PPM1L: variants seen among roughly 807,000 people sequenced by gnomAD.
The protein encoded by PPM1L is protein phosphatase, Mg2+/Mn2+ dependent 1L.
In PPM1L, 13 loss-of-function variants were observed where a neutral mutation model predicts 31.4. The observed-to-expected ratio is 0.41, with a 90% CI of 0.27 to 0.66. The LOEUF (loss-of-function observed/expected upper bound fraction) is 0.66. Among genes scored for constraint, PPM1L ranks in the 30% least tolerant of loss-of-function variants. The pLI is 0.29. For missense variants in PPM1L, 326 were observed against 453.7 expected (o/e 0.72, Z 2.56); for synonymous variants, 184 against 175.4 (o/e 1.05, Z -0.39).
chr3:161,027,490 C>T (rs1718436190), intron 2 of PPM1L, among the ~76,000 whole-genome samples: 1 of 152,182 alleles, frequency 6.6e-6, no homozygotes, highest in Non-Finnish European at 1.5e-5. Context: ...TCTTACCTTA[C>T]ATGGATGGCA....
intron 1 of PPM1L, among the ~76,000 whole-genome samples, chr3:160,812,209 G>A (rs377493638): frequency 6.6e-6 from 1 of 152,174 alleles, no homozygotes; most frequent in South Asian, 2.1e-4. Flanking sequence ...CTGCTGCCAA[G>A]AACGGTTCTT....
intron 2 of PPM1L, among the ~76,000 whole-genome samples, chr3:161,004,281 G>A (rs1482017757): frequency 7.3e-6 from 1 of 137,560 alleles, no homozygotes; most frequent in African/African-American, 2.8e-5. Context: ...TGTTCATCAA[G>A]GATATTGGTC....
intron 2 of PPM1L, among the ~76,000 whole-genome samples, chr3:161,003,779 C>T (rs2108054793): frequency 6.6e-6 from 1 of 152,074 alleles, no homozygotes; most frequent in Non-Finnish European, 1.5e-5. Context: ...ATCATGTCGT[C>T]TGCAAACAGG....
chr3:160,803,798 A>G (rs1275392092), intron 1 of PPM1L, among the ~76,000 whole-genome samples: 1 of 152,262 alleles, frequency 6.6e-6, no homozygotes, highest in African/African-American at 2.4e-5. Context: ...GAGCCTTCAC[A>G]TTCAAAGGTA....
At chr3:160,883,928 G>C (rs1317827398) in intron 1 of PPM1L, among the ~76,000 whole-genome samples, 3 of 151,088 alleles carry the variant, frequency 2.0e-5, no homozygotes, top group Admixed American at 6.6e-5. Flanking sequence ...AATCTATCCA[G>C]GCATGGTGGT....
At chr3:160,920,206 C>T (rs554423862) in intron 1 of PPM1L, among the ~76,000 whole-genome samples, 2 of 152,162 alleles carry the variant, frequency 1.3e-5, no homozygotes, top group African/African-American at 4.8e-5. Context: ...TATTCTGAAG[C>T]CAGCCAGTGC....
chr3:160,924,834 T>A (rs1714532526), intron 1 of PPM1L, among the ~76,000 whole-genome samples: 1 of 152,208 alleles, frequency 6.6e-6, no homozygotes, highest in Non-Finnish European at 1.5e-5. Context: ...AAAGTGAACC[T>A]GAAATTACAA....
At chr3:160,809,464 G>A (rs1712742966) in intron 1 of PPM1L, among the ~76,000 whole-genome samples, 1 of 152,114 alleles carries the variant, frequency 6.6e-6, no homozygotes, top group Non-Finnish European at 1.5e-5. Flanking sequence ...TATTTAAATA[G>A]CTTCAACCCC....
chr3:160,789,733 C>T (rs1712044231), intron 1 of PPM1L, among the ~76,000 whole-genome samples: 2 of 151,368 alleles, frequency 1.3e-5, no homozygotes, highest in Admixed American at 6.6e-5. Context: ...TCTCCTTGGA[C>T]CTGCTAATGG....
At chr3:161,012,477 C>T (rs1238429714) in intron 2 of PPM1L, among the ~76,000 whole-genome samples, 1 of 151,766 alleles carries the variant, frequency 6.6e-6, no homozygotes, top group East Asian at 1.9e-4. Context: ...GTCTAAAATT[C>T]TCTTTTTTGG....
At position 161,069,271 on chromosome 3, in the gene PPM1L, A is replaced by G. The variant is rs944978593; in HGVS notation, c.*114A>G. The G allele has an allele frequency of 1.6e-5, 13 of 802,522 alleles. No homozygotes were observed. The South Asian group carries it at 2.4e-4, about 15-fold the overall frequency. The allele number at this position is 802,522 out of a possible 1,614,324, so 49.7% of individuals were successfully genotyped here. A position where few individuals can be genotyped will look rare whatever the true frequency, so the allele number is the denominator to read the frequency against. ...TAGGATCATCCACCCCAGACATGGA[A>G]TCCCCCCTCCCTGGTGGTCTTAGGT... On this transcript the variant is annotated 3_prime_UTR_variant, in exon 4 of 4. Coordinates refer to ENST00000498165, the MANE Select transcript of PPM1L (RefSeq NM_139245.4).
intron 2 of PPM1L, among the ~76,000 whole-genome samples, chr3:161,034,696 G>T (rs535560369): frequency 2.0e-5 from 3 of 151,780 alleles, no homozygotes; most frequent in Non-Finnish European, 4.4e-5. Context: ...CTGTCGGGGG[G>T]GTGGAGGACT....
At chr3:160,925,939 G>A (rs757670267) in intron 1 of PPM1L, among the ~76,000 whole-genome samples, 1 of 152,202 alleles carries the variant, frequency 6.6e-6, no homozygotes, top group African/African-American at 2.4e-5. Context: ...TCTAGCTGTA[G>A]TATAAGCTAA....
At chr3:160,763,871 TG>T (rs1375610504) in intron 1 of PPM1L, among the ~76,000 whole-genome samples, 1 of 152,136 alleles carries the variant, frequency 6.6e-6, no homozygotes, top group African/African-American at 2.4e-5. Flanking sequence ...GGATAACTCT[TG>T]AGGTGGTAAG....
chr3:160,901,142 G>A (rs1713528831), intron 1 of PPM1L, among the ~76,000 whole-genome samples: 1 of 151,954 alleles, frequency 6.6e-6, no homozygotes, highest in Non-Finnish European at 1.5e-5. Flanking sequence ...TCGTGGCTTT[G>A]CATGTCATCG....
intron 2 of PPM1L, among the ~76,000 whole-genome samples, chr3:161,009,818 C>T (rs961283162): frequency 1.3e-5 from 2 of 152,076 alleles, no homozygotes; most frequent in African/African-American, 2.4e-5. Flanking sequence ...ATCTTCTGTA[C>T]TTTAAAACCA....
chr3:160,856,309 A>G (rs555368071), intron 1 of PPM1L, among the ~76,000 whole-genome samples: 14 of 152,282 alleles, frequency 9.2e-5, no homozygotes, highest in African/African-American at 2.9e-4. Context: ...TAACCATCAC[A>G]TTGGTAAACC....
chr3:161,025,186 G>A (rs994638749), intron 2 of PPM1L, among the ~76,000 whole-genome samples: 3 of 152,178 alleles, frequency 2.0e-5, no homozygotes, highest in Non-Finnish European at 4.4e-5. Flanking sequence ...TGTTGCCTGT[G>A]TGACAGTATC....
At chr3:160,975,190 C>T (rs1442601260) in intron 2 of PPM1L, among the ~76,000 whole-genome samples, 56 of 152,086 alleles carry the variant, frequency 3.7e-4, no homozygotes, top group Non-Finnish European at 4.1e-4. Context: ...TGTAGATATG[C>T]GGCGTTATTT....
Sources: allele counts gnomAD v4.1 joint callset (sites outside exome capture counted in the v4.1 genomes callset), GRCh38; gene constraint gnomAD v4.1.1; transcripts MANE v1.5; gene names NCBI Gene and HGNC (gene_info 2026-07-23, HGNC 2026-07-21).